USP8: variants seen among roughly 807,000 people sequenced by gnomAD.
USP8 encodes the protein ubiquitin specific peptidase 8, also known as ubiquitin carboxyl-terminal hydrolase 8.
A neutral mutation model predicts 130.0 loss-of-function variants in USP8; 27 were observed. That is an observed-to-expected ratio of 0.21 (90% CI 0.15 to 0.29). The LOEUF (loss-of-function observed/expected upper bound fraction) is 0.29. Among genes scored for constraint, USP8 ranks in the 10% least tolerant of loss-of-function variants. USP8 has a pLI of 1.00. For missense variants in USP8, 1,029 were observed against 1,312.2 expected, an observed-to-expected ratio of 0.78 and a Z score of 3.33; for synonymous variants, 392 against 444.1, an observed-to-expected ratio of 0.88 and a Z score of 1.48.
intron 5 of USP8, among the ~76,000 whole-genome samples, chr15:50,461,456 C>CA (rs71124356): frequency 0.28 from 30,114 of 108,426 alleles, 4,102 homozygotes; most frequent in Non-Finnish European, 0.33. Context: ...ACCCTATCTC[C>CA]AAAAAAAAAA....
Position 50,469,492 on chromosome 15 carries a change from A to G in USP8, c.687-2141A>G, listed in dbSNP as rs372423745. On this transcript the variant is annotated intron_variant, in intron 7 of 19. Transcript: ENST00000307179. ...TGGAAATAGTCTTTAAGAATATCAC[A>G]TTTTATTTTTTTTCCTTCTTTGTTG... Among the ~76,000 whole-genome samples the G allele has an allele frequency of 5.3e-5, 8 of 152,208 alleles. No homozygotes were observed. In the East Asian group the frequency reaches 1.3e-3, roughly 26 times the overall value.
At chr15:50,455,137 G>C (rs1040482997) in intron 4 of USP8, among the ~76,000 whole-genome samples, 1 of 150,996 alleles carries the variant, frequency 6.6e-6, no homozygotes, top group Non-Finnish European at 1.5e-5. Context: ...GTACAGTGGC[G>C]TGATCACATC....
At position 50,476,882 on chromosome 15, in the gene USP8, T is replaced by A; in HGVS notation, c.883T>A (p.Leu295Met). 1 of 1,596,600 alleles carries A rather than the reference T, an allele frequency of 6.3e-7. No individual in the cohort carries two copies. Among genetic ancestry groups the A allele is most frequent in the African/African-American group, 1.4e-5 (1 of 73,886 alleles). ...TAAAACTGTCCTGCGCAATGAGCCT[T>A]TGGTTTTAGAGGGAGGCTATGAAAA... is the stretch of plus-strand genomic sequence containing the variant. Reference protein sequence around the residue: ...ESKTVLRNEPLVLEGGYENWL... With the variant: ...ESKTVLRNEPMVLEGGYENWL... The change falls in exon 9 of 20, where the codon TTG becomes ATG. Residue 295 changes from leucine to methionine, a missense_variant. Physicochemically the swap from Leu to Met is conservative, Grantham distance 15 (BLOSUM62 2). Transcript: ENST00000307179.
At chr15:50,488,841 G>A (rs1439801054) in intron 12 of USP8, among the ~76,000 whole-genome samples, 4 of 151,742 alleles carry the variant, frequency 2.6e-5, no homozygotes, top group Non-Finnish European at 5.9e-5. Flanking sequence ...CCAAAGCGCT[G>A]GGATTACAGG....
chr15:50,428,152 C>G (rs561605204), intron 1 of USP8, among the ~76,000 whole-genome samples: 1 of 152,198 alleles, frequency 6.6e-6, no homozygotes, highest in South Asian at 2.1e-4. Flanking sequence ...GAGTCTTGCT[C>G]TGTCACCTAG....
Position 50,477,289 on chromosome 15 carries a change from T to C in USP8, c.1008T>C (p.Tyr336=), listed in dbSNP as rs1401164891. ...TTGGAATTTTAGTGGATTTTACTTA[T>C]CCCTCATTGGAAGAATCAATTCCTT... ...EEVSISLDFT[Y]PSLEESIPSK... Residue 336 remains tyrosine (Y), a synonymous_variant, in exon 10 of 20, where the codon TAT becomes TAC. Coordinates refer to ENST00000307179, the MANE Select transcript of USP8 (RefSeq NM_005154.5). 7.4e-6 allele frequency: 12 copies of C among 1,612,096 alleles called. No homozygotes were observed. The highest frequency in any genetic ancestry group is 2.2e-5 in the South Asian group (2 of 90,524).
At chr15:50,461,884 A>G (rs2051020681) in intron 5 of USP8, among the ~76,000 whole-genome samples, 3 of 152,150 alleles carry the variant, frequency 2.0e-5, no homozygotes, top group African/African-American at 7.2e-5. Flanking sequence ...CTACATAAGC[A>G]ATACTTTGTA....
intron 4 of USP8, among the ~76,000 whole-genome samples, chr15:50,453,033 T>G (rs903605525): frequency 6.6e-6 from 1 of 152,170 alleles, no homozygotes; most frequent in Non-Finnish European, 1.5e-5. Context: ...AAAGTGGTGT[T>G]GATATTTCCA....
At chr15:50,486,510 CAT>C (rs1247723856) in intron 12 of USP8, among the ~76,000 whole-genome samples, 1 of 151,920 alleles carries the variant, frequency 6.6e-6, no homozygotes, top group Non-Finnish European at 1.5e-5. Flanking sequence ...GAAAAAATGA[CAT>C]AAAATATATT....
At chr15:50,424,776 G>T in intron 1 of USP8, 1 of 321,524 alleles carries the variant, frequency 3.1e-6, no homozygotes, top group Non-Finnish European at 5.6e-6. Flanking sequence ...CCAATCTTCC[G>T]TTCTCTTGGA....
At chr15:50,436,984 CT>C (rs548499298) in intron 1 of USP8, among the ~76,000 whole-genome samples, 56 of 147,448 alleles carry the variant, frequency 3.8e-4, no homozygotes, top group African/African-American at 1.2e-3. Flanking sequence ...TGTTCCAAGT[CT>C]TTTTTTTTTA....
chr15:50,459,996 C>CCCCCCTTT (rs567135111), intron 5 of USP8, among the ~76,000 whole-genome samples: 10 of 91,984 alleles, frequency 1.1e-4, no homozygotes, highest in Non-Finnish European at 1.5e-4. Context: ...CACCCCCCCC[C>CCCCCCTTT]TTTTTTTTTT....
At chr15:50,426,364 T>C (rs7164347) in intron 1 of USP8, among the ~76,000 whole-genome samples, 37,909 of 152,108 alleles carry the variant, frequency 0.25, 5,002 homozygotes, top group East Asian at 0.46. Context: ...TACCTTGTTG[T>C]TGTCCCAGTT....
chr15:50,429,847 G>A (rs550703822), intron 1 of USP8, among the ~76,000 whole-genome samples: 66 of 152,210 alleles, frequency 4.3e-4, no homozygotes, highest in African/African-American at 1.6e-3. Flanking sequence ...TGTTAAGTAC[G>A]ATCTGGCTCC....
intron 1 of USP8, among the ~76,000 whole-genome samples, chr15:50,424,826 G>GTTT (rs57263195): frequency 6.9e-6 from 1 of 144,562 alleles, no homozygotes. Context: ...CTTGCTTCCG[G>GTTT]TTTTTTTTTT....
rs2052669809 is a variant in USP8 at position 50,506,952 on chromosome 15, CA to C, written c.*7865del. ...CAGCCTGGGCGACAGAGCGAGACTT[CA>C]TCTCAAAAAAAAAAAAAAAAAAAAA... On this transcript the variant is annotated 3_prime_UTR_variant, in exon 20 of 20. Coordinates refer to ENST00000307179, the MANE Select transcript of USP8 (RefSeq NM_005154.5). The C allele has an allele frequency of 1.4e-5, 1 of 70,918 alleles. No homozygotes were observed. The highest frequency in any genetic ancestry group is 2.3e-5 in the Non-Finnish European group (1 of 43,976). 4.4% of individuals were successfully genotyped at this position (70,918 alleles called of 1,614,324 possible).
intron 12 of USP8, among the ~76,000 whole-genome samples, chr15:50,487,362 AAGAGAG>A (rs112249459): frequency 3.3e-5 from 5 of 150,086 alleles, no homozygotes; most frequent in Admixed American, 6.6e-5. Context: ...AGAGAAAATG[AAGAGAG>A]AGAGAGAGAG....
rs1032238662 is a variant in USP8, at chr15:50,481,565, C to T, written c.1303C>T (p.Pro435Ser). ...AAGTACAAACCATGAGCAACAATCT[C>T]CTCAGAGTGGAAAAGTTATTCCTGA... is the stretch of plus-strand genomic sequence containing the variant. Reference protein sequence around the residue: ...SESTNHEQQSPQSGKVIPDRS... With the variant: ...SESTNHEQQSSQSGKVIPDRS... The change falls in exon 11 of 20, where the codon CCT (proline) becomes TCT (serine). Residue 435 changes from proline (P) to serine (S), a missense_variant. This residue lies in a region of USP8 where 486 missense variants were observed against 522.0 expected (regional missense o/e 0.93). Coordinates refer to ENST00000307179, the MANE Select transcript of USP8 (RefSeq NM_005154.5). 1 of 1,613,950 alleles carries T rather than the reference C, an allele frequency of 6.2e-7. No homozygotes were observed. The highest frequency in any genetic ancestry group is 1.3e-5 in the African/African-American group (1 of 75,016).
rs35523535 is a variant in USP8, at chr15:50,513,518, T to TAAAAAAA, written c.*14444_*14450dup. ...AGTTCGAGACAAGAGCGAAACTGTC[T>TAAAAAAA]AAAAAAAAAAAAAAAAAAAAGAGTG... On this transcript the variant is annotated 3_prime_UTR_variant, in exon 20 of 20. Transcript: ENST00000307179. 1 of 85,958 alleles carries TAAAAAAA rather than the reference T, an allele frequency of 1.2e-5. No individual in the cohort carries two copies. The highest frequency in any genetic ancestry group is 2.3e-5 in the Non-Finnish European group (1 of 42,736). The allele number at this position is 85,958 out of a possible 1,614,324, so 5.3% of individuals were successfully genotyped here. A position where few individuals can be genotyped will look rare whatever the true frequency, so the allele number is the denominator to read the frequency against.
Sources: allele counts gnomAD v4.1 joint callset (sites outside exome capture counted in the v4.1 genomes callset), GRCh38; gene constraint gnomAD v4.1.1; regional missense constraint gnomAD v4.1.1; transcripts MANE v1.5; gene names NCBI Gene and HGNC (gene_info 2026-07-23, HGNC 2026-07-21).